Variants in UBE2D4 observed in about 807,000 individuals in gnomAD.
The protein encoded by UBE2D4 is ubiquitin conjugating enzyme E2 D4.
Under a neutral mutation model 23.0 loss-of-function variants are expected in UBE2D4, and 17 were observed. The observed-to-expected ratio is 0.74, with a 90% CI of 0.51 to 1.11. UBE2D4 has a LOEUF of 1.11. Among genes scored for constraint, UBE2D4 ranks in the 50% least tolerant of loss-of-function variants. The probability of loss-of-function intolerance (pLI) is 0.00; values close to 1 mark genes in which losing one functional copy is unlikely to be tolerated. For missense variants in UBE2D4, 139 were observed against 181.8 expected, an observed-to-expected ratio of 0.76 and a Z score of 1.35; for synonymous variants, 61 against 69.4, an observed-to-expected ratio of 0.88 and a Z score of 0.60.
intron 4 of UBE2D4, chr7:43,943,913 A>C (rs2095979411): frequency 6.5e-6 from 1 of 153,196 alleles, no homozygotes. Context: ...GAGCACAAGC[A>C]GTGGTTGGCA....
At chr7:43,942,408 A>G in intron 2 of UBE2D4, 2 of 317,598 alleles carry the variant, frequency 6.3e-6, no homozygotes, top group Non-Finnish European at 1.2e-5. Context: ...CATTCAAATA[A>G]GTCAGTCATG....
chr7:43,927,408 G>A (rs1358618644), intron 1 of UBE2D4, among the ~76,000 whole-genome samples: 2 of 151,388 alleles, frequency 1.3e-5, no homozygotes, highest in African/African-American at 2.4e-5. Context: ...AACCTTCTAG[G>A]TTCAAGTGAT....
intron 2 of UBE2D4, among the ~76,000 whole-genome samples, chr7:43,939,937 G>A (rs2095967486): frequency 6.6e-6 from 1 of 151,668 alleles, no homozygotes; most frequent in African/African-American, 2.4e-5. Flanking sequence ...AATGGATGGG[G>A]GTATGGTTCT....
chr7:43,948,892 G>C, intron 5 of UBE2D4, 155 bp downstream of exon 5: 1 of 605,448 alleles, frequency 1.7e-6, no homozygotes, highest in Non-Finnish European at 3.0e-6. Flanking sequence ...ATCCTTACAC[G>C]CCTACGAGGC....
In UBE2D4 at chr7:43,940,500, GC is replaced by G. The variant is rs149470290; in HGVS notation, c.88+2009del. Reference sequence around the variant, plus strand: ...CAGCTCAAATTTACCTTGCACCAGAGCCCAGTGCTAAGAGAGGCTAGCATCA... The same window carrying G: ...CAGCTCAAATTTACCTTGCACCAGAGCCAGTGCTAAGAGAGGCTAGCATCA... On this transcript the variant is annotated intron_variant, in intron 2 of 6. Transcript: ENST00000222402. Among the ~76,000 whole-genome samples, 1,417 of 152,270 alleles carry G rather than the reference GC, an allele frequency of 9.3e-3. 17 individuals carry two copies. Among genetic ancestry groups the G allele is most frequent in the African/African-American group, 0.031 (1,281 of 41,554 alleles).
chr7:43,950,806 GC>G, intron 6 of UBE2D4, 114 bp downstream of exon 6: 1 of 835,230 alleles, frequency 1.2e-6, no homozygotes. Flanking sequence ...ACATCTTCCT[GC>G]CCATGCTGAG....
Position 43,943,172 on chromosome 7 carries a change from T to C in UBE2D4, c.198+141T>C. 3 of 798,598 alleles carry C rather than the reference T, an allele frequency of 3.8e-6. No individual in the cohort carries two copies. In the South Asian group the frequency reaches 4.7e-5, roughly 12 times the overall value. The allele number at this position is 798,598 out of a possible 1,614,324, so 49.5% of individuals were successfully genotyped here. A position where few individuals can be genotyped will look rare whatever the true frequency, so the allele number is the denominator to read the frequency against. ...ACTGCTCCACCCTGTGGTGAGAGTT[T>C]CCCAGGACTTTAATTACTGGACTTT... On this transcript the variant is annotated intron_variant, in intron 4 of 6. Transcript: ENST00000222402.
At chr7:43,932,141 C>T (rs1470037060) in intron 1 of UBE2D4, among the ~76,000 whole-genome samples, 1 of 152,120 alleles carries the variant, frequency 6.6e-6, no homozygotes, top group African/African-American at 2.4e-5. Context: ...AGGCGCCTGC[C>T]ACCACACCCA....
intron 1 of UBE2D4, among the ~76,000 whole-genome samples, chr7:43,927,755 C>A (rs537865071): frequency 2.3e-4 from 35 of 152,286 alleles, no homozygotes; most frequent in African/African-American, 8.4e-4. Context: ...TTGGGCAAGG[C>A]ACTTTATCAT....
chr7:43,939,029 C>T (rs1293798514), intron 2 of UBE2D4, among the ~76,000 whole-genome samples: 3 of 152,346 alleles, frequency 2.0e-5, no homozygotes, highest in East Asian at 1.9e-4. Flanking sequence ...CCATAGTCAC[C>T]GCTTCCCTCT....
intron 1 of UBE2D4, among the ~76,000 whole-genome samples, chr7:43,929,288 A>C (rs1022890271): frequency 3.3e-5 from 5 of 151,996 alleles, no homozygotes; most frequent in African/African-American, 4.8e-5. Flanking sequence ...TTAGCTGGGC[A>C]TGGTGGTGCA....
At chr7:43,932,984 G>GTATATATATATATATATA (rs57093593) in intron 1 of UBE2D4, among the ~76,000 whole-genome samples, 6 of 85,810 alleles carry the variant, frequency 7.0e-5, no homozygotes, top group African/African-American at 2.2e-4. Context: ...AAATGTTAAA[G>GTATATATATATATATATA]TATATATATA....
chr7:43,948,033 AG>A (rs1204682607), intron 4 of UBE2D4, among the ~76,000 whole-genome samples: 3 of 152,102 alleles, frequency 2.0e-5, no homozygotes, highest in African/African-American at 7.2e-5. Flanking sequence ...ACTTTTTGAT[AG>A]GGTTGTTTGA....
intron 4 of UBE2D4, among the ~76,000 whole-genome samples, chr7:43,945,319 G>C (rs2095983515): frequency 6.6e-6 from 1 of 152,136 alleles, no homozygotes; most frequent in African/African-American, 2.4e-5. Context: ...AAAAAACTAA[G>C]AAGTAAGCTC....
chr7:43,942,727 T>A, intron 2 of UBE2D4, 99 bp from the exon 3 acceptor site: 1 of 1,548,414 alleles, frequency 6.5e-7, no homozygotes, highest in Non-Finnish European at 8.9e-7. Flanking sequence ...TGAGTGCATC[T>A]TGTGTAGACA....
chr7:43,933,013 T>TATATATATATACACAC (rs1340458201), intron 1 of UBE2D4, among the ~76,000 whole-genome samples: 11 of 116,648 alleles, frequency 9.4e-5, no homozygotes, highest in African/African-American at 6.8e-5. Context: ...TATATATATA[T>TATATATATATACACAC]ACACACACAT....
At chr7:43,927,299 C>CTT (rs71769283) in intron 1 of UBE2D4, among the ~76,000 whole-genome samples, 1,425 of 131,180 alleles carry the variant, frequency 0.011, 22 homozygotes, top group African/African-American at 0.016. Context: ...GTATTTATAA[C>CTT]TTTTTTTTTT....
rs1460010808 is a variant in UBE2D4, at chr7:43,955,556, A to G, written c.*2861A>G. The G allele has an allele frequency of 1.3e-5, 2 of 152,164 alleles. No individual in the cohort carries two copies. Among genetic ancestry groups the G allele is most frequent in the Non-Finnish European group, 2.9e-5 (2 of 68,032 alleles). 9.4% of individuals were successfully genotyped at this position (152,164 alleles called of 1,614,324 possible). ...TAGCTCACAGCTATCAACACCCTAG[A>G]ATTCCACACTGCCTCACTGCAGTTG... On this transcript the variant is annotated 3_prime_UTR_variant, in exon 7 of 7. Coordinates refer to ENST00000222402, the MANE Select transcript of UBE2D4 (RefSeq NM_015983.4).
In UBE2D4 at chr7:43,954,200, TA is replaced by T. The variant is rs2096008756; in HGVS notation, c.*1507del. On this transcript the variant is annotated 3_prime_UTR_variant, in exon 7 of 7. Coordinates refer to ENST00000222402, the MANE Select transcript of UBE2D4 (RefSeq NM_015983.4). ...CACATTTAGGATCCTCCTGCTACCA[TA>T]AGGCCCCTTTTGGGGTTCTTTGGGT... The T allele has an allele frequency of 6.6e-6, 1 of 150,506 alleles. No homozygotes were observed. Among genetic ancestry groups the T allele is most frequent in the South Asian group, 2.1e-4 (1 of 4,762 alleles). 9.3% of individuals were successfully genotyped at this position (150,506 alleles called of 1,614,324 possible). A position where few individuals can be genotyped will look rare whatever the true frequency, so the allele number is the denominator to read the frequency against.
Sources: gnomAD v4.1 joint callset for allele counts (sites outside exome capture counted in the v4.1 genomes callset) on GRCh38, gnomAD v4.1.1 for gene constraint, MANE v1.5 for transcripts, NCBI Gene and HGNC (gene_info 2026-07-23, HGNC 2026-07-21) for gene names.